The following NALF1 variants were observed in gnomAD, a reference collection of about 807,000 sequenced individuals.
The protein encoded by NALF1 is NALCN channel auxiliary factor 1, also known as family with sequence similarity 155 member A.
NALF1 carries 3 observed loss-of-function variants against 48.4 expected under a neutral mutation model. That is an observed-to-expected ratio of 0.06 (90% CI 0.03 to 0.16). The LOEUF (loss-of-function observed/expected upper bound fraction) is 0.16. Ranked by LOEUF, NALF1 falls within the 10% of genes least tolerant of loss-of-function variation. NALF1 has a pLI of 1.00. For missense variants in NALF1, 526 were observed against 571.5 expected (o/e 0.92, Z 0.81); for synonymous variants, 262 against 245.7 (o/e 1.07, Z -0.62).
At chr13:107,467,920 C>T (rs565253971) in intron 1 of NALF1, among the ~76,000 whole-genome samples, 71 of 151,940 alleles carry the variant, frequency 4.7e-4, no homozygotes, top group African/African-American at 1.7e-3. Context: ...TGGTGGCGGG[C>T]GCCTGTAGTC....
At chr13:107,768,933 G>T (rs1254933535) in intron 1 of NALF1, among the ~76,000 whole-genome samples, 1 of 152,018 alleles carries the variant, frequency 6.6e-6, no homozygotes, top group Non-Finnish European at 1.5e-5. Context: ...AAAAACACAT[G>T]AAAAAATGCT....
chr13:107,315,973 G>A (rs950774390), intron 1 of NALF1, among the ~76,000 whole-genome samples: 3 of 151,892 alleles, frequency 2.0e-5, no homozygotes, highest in Admixed American at 6.6e-5. Context: ...ATGTATACAT[G>A]TGCCATGTTG....
At chr13:107,336,998 C>A (rs1882570509) in intron 1 of NALF1, among the ~76,000 whole-genome samples, 1 of 125,768 alleles carries the variant, frequency 8.0e-6, no homozygotes, top group Admixed American at 8.9e-5. Context: ...TCTTTTATCC[C>A]AAATAATAGG....
chr13:107,805,408 A>G (rs1224609467), intron 1 of NALF1, among the ~76,000 whole-genome samples: 2 of 152,192 alleles, frequency 1.3e-5, no homozygotes, highest in African/African-American at 2.4e-5. Flanking sequence ...TGTCACTTCT[A>G]TGCTTACGGA....
At chr13:107,365,745 C>T (rs1319417906) in intron 1 of NALF1, among the ~76,000 whole-genome samples, 1 of 152,132 alleles carries the variant, frequency 6.6e-6, no homozygotes. Context: ...TAGAGAGATC[C>T]TCTTTTAGAA....
At chr13:107,436,756 A>C (rs1884469852) in intron 1 of NALF1, among the ~76,000 whole-genome samples, 1 of 152,148 alleles carries the variant, frequency 6.6e-6, no homozygotes, top group South Asian at 2.1e-4. Context: ...AATTTCAAAA[A>C]AGCATAAAGT....
intron 1 of NALF1, among the ~76,000 whole-genome samples, chr13:107,833,124 A>G (rs939382881): frequency 6.6e-5 from 10 of 152,030 alleles, no homozygotes; most frequent in African/African-American, 2.4e-4. Flanking sequence ...CGCTAAGTGA[A>G]GCCCTCTCAG....
intron 2 of NALF1, among the ~76,000 whole-genome samples, chr13:107,200,281 C>T (rs995342259): frequency 3.3e-5 from 5 of 152,160 alleles, no homozygotes; most frequent in East Asian, 1.9e-4. Context: ...CTTTGACAGA[C>T]GGGCATCCCA....
intron 1 of NALF1, among the ~76,000 whole-genome samples, chr13:107,674,241 C>T (rs1881061130): frequency 6.6e-6 from 1 of 152,072 alleles, no homozygotes; most frequent in African/African-American, 2.4e-5. Flanking sequence ...AGATATAACC[C>T]ACAAACAAAA....
chr13:107,597,229 T>C (rs536128402), intron 1 of NALF1, among the ~76,000 whole-genome samples: 4 of 152,276 alleles, frequency 2.6e-5, no homozygotes, highest in African/African-American at 9.6e-5. Flanking sequence ...AAGCAGCAGG[T>C]GTATTACCTT....
In NALF1 at chr13:107,630,115, T is replaced by C. The variant is rs145190293; in HGVS notation, c.915+235567A>G. Among the ~76,000 whole-genome samples, 588 of 152,144 alleles carry C rather than the reference T, an allele frequency of 3.9e-3. 2 individuals carry two copies. The highest frequency in any genetic ancestry group is 6.8e-3 in the Middle Eastern group (2 of 294). ...TATTGGAACACTAAGCTTGTGAGAGTTATTGATAGCCTACTGCTCAAGGTC... is the reference window on the plus strand; with the variant it reads ...TATTGGAACACTAAGCTTGTGAGAGCTATTGATAGCCTACTGCTCAAGGTC... On this transcript the variant is annotated intron_variant, in intron 1 of 2. Coordinates refer to ENST00000375915, the MANE Select transcript of NALF1 (RefSeq NM_001080396.3).
intron 1 of NALF1, among the ~76,000 whole-genome samples, chr13:107,834,676 T>G (rs1377510314): frequency 6.6e-6 from 1 of 152,226 alleles, no homozygotes; most frequent in Non-Finnish European, 1.5e-5. Flanking sequence ...AATTTTCATT[T>G]TCATATTCCC....
chr13:107,200,921 A>C (rs1216065108), intron 2 of NALF1, among the ~76,000 whole-genome samples: 1 of 152,192 alleles, frequency 6.6e-6, no homozygotes, highest in African/African-American at 2.4e-5. Flanking sequence ...CATCAGACGT[A>C]ACTCTGAGGT....
chr13:107,818,839 T>A (rs1297556058), intron 1 of NALF1, among the ~76,000 whole-genome samples: 4 of 108,376 alleles, frequency 3.7e-5, no homozygotes, highest in Non-Finnish European at 6.6e-5. Flanking sequence ...GCCACTGCAC[T>A]CCAGCCTGGG....
chr13:107,289,452 ATT>A (rs528905286), intron 1 of NALF1, among the ~76,000 whole-genome samples: 1 of 152,182 alleles, frequency 6.6e-6, no homozygotes, highest in South Asian at 2.1e-4. Context: ...AATATTCCGG[ATT>A]TTTTTGGCAT....
At chr13:107,210,023 G>A (rs1273175017) in intron 2 of NALF1, among the ~76,000 whole-genome samples, 3 of 152,014 alleles carry the variant, frequency 2.0e-5, no homozygotes, top group African/African-American at 7.3e-5. Flanking sequence ...TTTGCTGAAA[G>A]AAGTAAACAT....
intron 1 of NALF1, among the ~76,000 whole-genome samples, chr13:107,216,562 G>A (rs1390921097): frequency 6.6e-6 from 1 of 152,130 alleles, no homozygotes; most frequent in Non-Finnish European, 1.5e-5. Context: ...GCTTTGTCTT[G>A]GCTCCATTTC....
chr13:107,681,865 G>A (rs1881312782), intron 1 of NALF1, among the ~76,000 whole-genome samples: 1 of 152,174 alleles, frequency 6.6e-6, no homozygotes, highest in Non-Finnish European at 1.5e-5. Flanking sequence ...AGAGCAAGCT[G>A]AAATGACAGA....
At chr13:107,801,144 A>T (rs889949537) in intron 1 of NALF1, among the ~76,000 whole-genome samples, 2 of 152,182 alleles carry the variant, frequency 1.3e-5, no homozygotes, top group African/African-American at 4.8e-5. Context: ...GGTACATCAC[A>T]TAGCGTAGCA....
Sources: gnomAD v4.1 joint callset for allele counts (sites outside exome capture counted in the v4.1 genomes callset) on GRCh38, gnomAD v4.1.1 for gene constraint, MANE v1.5 for transcripts, NCBI Gene and HGNC (gene_info 2026-07-23, HGNC 2026-07-21) for gene names.